Variants in ABL2 observed in about 807,000 individuals in gnomAD.
ABL2 encodes the protein ABL proto-oncogene 2, non-receptor tyrosine kinase.
A neutral mutation model predicts 107.7 loss-of-function variants in ABL2; 49 were observed. The observed-to-expected ratio is 0.45, with a 90% CI of 0.36 to 0.58. The LOEUF (loss-of-function observed/expected upper bound fraction) is 0.58. Ranked by LOEUF, ABL2 falls within the 20% of genes least tolerant of loss-of-function variation. The pLI, the probability that ABL2 is intolerant of heterozygous loss-of-function variation, is 0.00. For missense variants in ABL2, 1,245 were observed against 1,457.0 expected, an observed-to-expected ratio of 0.85 and a Z score of 2.37; for synonymous variants, 549 against 548.6, an observed-to-expected ratio of 1.00 and a Z score of -0.01.
Position 179,108,610 on chromosome 1 carries a change from G to C in ABL2, c.2657C>G (p.Ala886Gly), listed in dbSNP as rs1489091180. The C allele has an allele frequency of 3.1e-6, 5 of 1,613,900 alleles. No individual in the cohort carries two copies. Among genetic ancestry groups the C allele is most frequent in the Non-Finnish European group, 4.2e-6 (5 of 1,179,914 alleles). Residue 886 changes from alanine (A) to glycine (G), a missense_variant, in exon 12 of 12, where the codon GCT becomes GGT. Around this residue, in one of 3 missense-constraint regions of ABL2, gnomAD observed 761 missense variants for 766.4 expected, o/e 0.99. Transcript: ENST00000502732. Reference protein sequence around the residue: ...PPGVGVAGVAAAPKGKEKNGG... With the variant: ...PPGVGVAGVAGAPKGKEKNGG... ...ATTCTTCTCTTTACCCTTGGGGGCA[G>C]CTGCCACTCCAGCCACTCCCACCCC...
chr1:179,227,206 T>TAA (rs1558012157), intron 1 of ABL2, among the ~76,000 whole-genome samples: 1 of 152,206 alleles, frequency 6.6e-6, no homozygotes, highest in Admixed American at 6.5e-5. Flanking sequence ...GAAAGTATCT[T>TAA]AGAGATCATC....
At chr1:179,123,225 G>T (rs1302065748) in intron 4 of ABL2, among the ~76,000 whole-genome samples, 1 of 152,152 alleles carries the variant, frequency 6.6e-6, no homozygotes, top group Non-Finnish European at 1.5e-5. Context: ...TTTACCGGTG[G>T]CCAGGAGCAG....
At chr1:179,146,745 C>T (rs1658010059) in intron 1 of ABL2, among the ~76,000 whole-genome samples, 1 of 152,150 alleles carries the variant, frequency 6.6e-6, no homozygotes, top group South Asian at 2.1e-4. Context: ...TCACTCCATC[C>T]TGCCACCCTG....
At chr1:179,118,786 T>C in intron 6 of ABL2, 22 bp from the exon 7 acceptor site, 2 of 1,610,456 alleles carry the variant, frequency 1.2e-6, no homozygotes, top group Non-Finnish European at 1.7e-6. Context: ...ACAATAGTGC[T>C]TGTTTTTATT....
At chr1:179,138,794 G>A (rs1354967325) in intron 1 of ABL2, among the ~76,000 whole-genome samples, 1 of 152,198 alleles carries the variant, frequency 6.6e-6, no homozygotes, top group Non-Finnish European at 1.5e-5. Flanking sequence ...TTCTGGGCTG[G>A]CCAAGGCCGG....
At chr1:179,222,818 A>AC (rs1315106604) in intron 1 of ABL2, among the ~76,000 whole-genome samples, 2 of 147,668 alleles carry the variant, frequency 1.4e-5, no homozygotes, top group African/African-American at 4.9e-5. Context: ...AACAACAACA[A>AC]AAAAAAAACA....
intron 1 of ABL2, among the ~76,000 whole-genome samples, chr1:179,205,257 C>G (rs1378257008): frequency 6.6e-6 from 1 of 152,024 alleles, no homozygotes; most frequent in Non-Finnish European, 1.5e-5. Flanking sequence ...AAACTTTTGA[C>G]CTCGTGATCT....
At chr1:179,215,833 GT>G (rs528884023) in intron 1 of ABL2, among the ~76,000 whole-genome samples, 3,572 of 152,010 alleles carry the variant, frequency 0.023, 68 homozygotes, top group Middle Eastern at 0.054. Flanking sequence ...AGTATTGTCA[GT>G]TTTTTTTAAT....
Position 179,107,112 on chromosome 1 carries a change from A to G in ABL2, c.*606T>C, listed in dbSNP as rs957799847. The G allele has an allele frequency of 4.3e-6, 1 of 231,190 alleles. No individual in the cohort carries two copies. Among genetic ancestry groups the G allele is most frequent in the Non-Finnish European group, 8.6e-6 (1 of 116,826 alleles). 14.3% of individuals were successfully genotyped at this position (231,190 alleles called of 1,614,324 possible). On this transcript the variant is annotated 3_prime_UTR_variant, in exon 12 of 12. Transcript: ENST00000502732. ...TACTTCCTGCACTAACTGATACACCAGCGGAAAATAGGACAGAGGCATTCA... is the reference window on the plus strand; with the variant it reads ...TACTTCCTGCACTAACTGATACACCGGCGGAAAATAGGACAGAGGCATTCA...
At chr1:179,155,167 G>T (rs945677361) in intron 1 of ABL2, among the ~76,000 whole-genome samples, 2 of 152,172 alleles carry the variant, frequency 1.3e-5, no homozygotes, top group African/African-American at 4.8e-5. Flanking sequence ...GGTACAAAAA[G>T]AACTGGAAAA....
chr1:179,229,515 G>C lies in ABL2; in HGVS notation c.-118C>G, dbSNP rs1663434109. On this transcript the variant is annotated 5_prime_UTR_variant, in exon 1 of 12. Coordinates refer to ENST00000502732, the MANE Select transcript of ABL2 (RefSeq NM_007314.4). ...CCCTCCCAGCCCAGGCCCTGGCCCTGAGTGGCTGGGCCACCGGCGGCTCCG... is the reference window on the plus strand; with the variant it reads ...CCCTCCCAGCCCAGGCCCTGGCCCTCAGTGGCTGGGCCACCGGCGGCTCCG... 2.6e-6 allele frequency: 3 copies of C among 1,160,778 alleles called. No individual in the cohort carries two copies. The highest frequency in any genetic ancestry group is 3.4e-6 in the Non-Finnish European group (3 of 888,812). 71.9% of individuals were successfully genotyped at this position (1,160,778 alleles called of 1,614,324 possible).
chr1:179,223,291 C>T (rs1269724956), intron 1 of ABL2, among the ~76,000 whole-genome samples: 14 of 151,538 alleles, frequency 9.2e-5, no homozygotes, highest in Non-Finnish European at 1.9e-4. Flanking sequence ...TAGCACGCAC[C>T]TATAGTCCCA....
intron 1 of ABL2, among the ~76,000 whole-genome samples, chr1:179,212,961 G>A (rs193238185): frequency 2.1e-3 from 321 of 149,382 alleles, no homozygotes; most frequent in Middle Eastern, 0.021. Context: ...CAGGAGAATC[G>A]CTTGAACCTG....
intron 5 of ABL2, among the ~76,000 whole-genome samples, 172 bp from the exon 6 acceptor site, chr1:179,120,446 T>C (rs9729129): frequency 0.5 from 76,719 of 152,044 alleles, 19,515 homozygotes; most frequent in Middle Eastern, 0.58. Flanking sequence ...ATTTATTTTT[T>C]TGAGACACGG....
At chr1:179,158,568 G>C (rs1179826448) in intron 1 of ABL2, among the ~76,000 whole-genome samples, 1 of 152,154 alleles carries the variant, frequency 6.6e-6, no homozygotes, top group Non-Finnish European at 1.5e-5. Flanking sequence ...TAGTGAAACT[G>C]GCCTCTGACC....
At chr1:179,224,949 C>T (rs1663110652) in intron 1 of ABL2, among the ~76,000 whole-genome samples, 1 of 152,056 alleles carries the variant, frequency 6.6e-6, no homozygotes, top group African/African-American at 2.4e-5. Context: ...TTGCTTGAGT[C>T]CAGGAGTTTA....
intron 4 of ABL2, among the ~76,000 whole-genome samples, chr1:179,125,125 T>C (rs1231068916): frequency 3.3e-5 from 5 of 152,344 alleles, no homozygotes; most frequent in East Asian, 1.9e-4. Flanking sequence ...TTTTAGGCTG[T>C]GGCCATAGTG....
intron 1 of ABL2, among the ~76,000 whole-genome samples, chr1:179,135,318 G>A (rs975347674): frequency 1.7e-4 from 25 of 150,298 alleles, no homozygotes; most frequent in African/African-American, 6.3e-4. Context: ...TCACATCTGG[G>A]AAGTGAGGAG....
chr1:179,209,284 C>G (rs1662144280), intron 1 of ABL2, among the ~76,000 whole-genome samples: 3 of 152,180 alleles, frequency 2.0e-5, no homozygotes, highest in African/African-American at 7.2e-5. Context: ...TATGACCAAA[C>G]AAGCCTTGCT....
Sources: allele counts gnomAD v4.1 joint callset (sites outside exome capture counted in the v4.1 genomes callset), GRCh38; gene constraint gnomAD v4.1.1; regional missense constraint gnomAD v4.1.1; transcripts MANE v1.5; gene names NCBI Gene and HGNC (gene_info 2026-07-23, HGNC 2026-07-21).